C8orf34: variants seen among roughly 807,000 people sequenced by gnomAD.
C8orf34 encodes chromosome 8 open reading frame 34.
C8orf34 carries 65 observed loss-of-function variants against 68.3 expected under a neutral mutation model. The observed-to-expected ratio is 0.95, with a 90% CI of 0.78 to 1.17. C8orf34 has a LOEUF of 1.17. Ranked by LOEUF, C8orf34 falls within the 50% of genes most tolerant of loss-of-function variation. The pLI, the probability that C8orf34 is intolerant of heterozygous loss-of-function variation, is 0.00. For synonymous variants in C8orf34, 244 were observed against 241.2 expected (o/e 1.01, Z -0.11); for missense variants, 664 against 655.4 (o/e 1.01, Z -0.14).
intron 2 of C8orf34, among the ~76,000 whole-genome samples, chr8:68,443,846 AG>A (rs368866125): frequency 1.3e-3 from 198 of 152,302 alleles, no homozygotes; most frequent in African/African-American, 4.2e-3. Context: ...TCTCCTTAAA[AG>A]TCTATCATTT....
chr8:68,553,310 G>C (rs186530599), intron 7 of C8orf34, among the ~76,000 whole-genome samples: 1 of 150,870 alleles, frequency 6.6e-6, no homozygotes, highest in Non-Finnish European at 1.5e-5. Flanking sequence ...GTGTGAACCC[G>C]GGAGGCGGAG....
chr8:68,789,829 T>TAGTTTA (rs1247343257), intron 12 of C8orf34, among the ~76,000 whole-genome samples: 2 of 152,244 alleles, frequency 1.3e-5, no homozygotes, highest in African/African-American at 4.8e-5. Context: ...TATACTTTTA[T>TAGTTTA]TAAAATTTTA....
intron 7 of C8orf34, among the ~76,000 whole-genome samples, chr8:68,544,549 GA>G (rs1420272389): frequency 1.3e-5 from 2 of 152,076 alleles, no homozygotes; most frequent in Admixed American, 6.6e-5. Context: ...AGAATCAACA[GA>G]AAGTAAACAA....
chr8:68,612,685 AG>A (rs1459417403), intron 7 of C8orf34, among the ~76,000 whole-genome samples: 74 of 152,278 alleles, frequency 4.9e-4, no homozygotes, highest in Middle Eastern at 6.8e-3. Flanking sequence ...AATATGCTAT[AG>A]TTACTGATTT....
At chr8:68,472,702 T>G (rs1586211361) in intron 4 of C8orf34, among the ~76,000 whole-genome samples, 1 of 152,298 alleles carries the variant, frequency 6.6e-6, no homozygotes, top group African/African-American at 2.4e-5. Flanking sequence ...ACAGGCACAT[T>G]TAAAAAAGGC....
chr8:68,517,084 G>GT (rs532255703), intron 5 of C8orf34, among the ~76,000 whole-genome samples: 3 of 152,154 alleles, frequency 2.0e-5, no homozygotes, highest in Admixed American at 6.5e-5. Context: ...AATTTTAAAT[G>GT]TTTTTTTACC....
intron 1 of C8orf34, among the ~76,000 whole-genome samples, chr8:68,351,348 CTT>C (rs1806505414): frequency 6.6e-6 from 1 of 151,940 alleles, no homozygotes; most frequent in African/African-American, 2.4e-5. Context: ...ATAAGGTTCC[CTT>C]TGTATGTGAA....
At chr8:68,517,570 A>C (rs899218131) in intron 5 of C8orf34, among the ~76,000 whole-genome samples, 1 of 152,210 alleles carries the variant, frequency 6.6e-6, no homozygotes, top group Non-Finnish European at 1.5e-5. Context: ...AACATCCTGA[A>C]TATCACACTG....
chr8:68,456,846 G>T (rs1811575252), intron 3 of C8orf34, among the ~76,000 whole-genome samples: 1 of 152,198 alleles, frequency 6.6e-6, no homozygotes, highest in Non-Finnish European at 1.5e-5. Flanking sequence ...ATGTGTCATA[G>T]ATAAGATAAG....
At chr8:68,747,263 T>C (rs372333544) in intron 10 of C8orf34, among the ~76,000 whole-genome samples, 5 of 151,014 alleles carry the variant, frequency 3.3e-5, no homozygotes, top group African/African-American at 7.3e-5. Flanking sequence ...CTATGACAAA[T>C]CCACAGCCAA....
At chr8:68,480,049 A>G (rs376158802) in intron 4 of C8orf34, among the ~76,000 whole-genome samples, 55 of 152,310 alleles carry the variant, frequency 3.6e-4, no homozygotes, top group African/African-American at 1.1e-3. Flanking sequence ...AAATGTTTTC[A>G]ACTTTTGTTC....
chr8:68,585,457 A>C (rs1817181877), intron 7 of C8orf34, among the ~76,000 whole-genome samples: 1 of 152,166 alleles, frequency 6.6e-6, no homozygotes, highest in Non-Finnish European at 1.5e-5. Context: ...TTGGTAAAAT[A>C]TTGAGATAGT....
At chr8:68,352,101 T>C (rs868019107) in intron 1 of C8orf34, among the ~76,000 whole-genome samples, 4 of 152,050 alleles carry the variant, frequency 2.6e-5, no homozygotes, top group Admixed American at 1.3e-4. Flanking sequence ...CATTCCTTTC[T>C]CAGATACATT....
At chr8:68,401,814 A>G (rs1808968218) in intron 1 of C8orf34, among the ~76,000 whole-genome samples, 1 of 151,240 alleles carries the variant, frequency 6.6e-6, no homozygotes, top group Non-Finnish European at 1.5e-5. Context: ...TTTATTGAGG[A>G]CTTTTTGCGT....
chr8:68,558,049 T>C (rs1336233488), intron 7 of C8orf34, among the ~76,000 whole-genome samples: 1 of 152,180 alleles, frequency 6.6e-6, no homozygotes, highest in Middle Eastern at 3.2e-3. Flanking sequence ...ACCTAAAATA[T>C]GAAAAGATGC....
intron 1 of C8orf34, among the ~76,000 whole-genome samples, chr8:68,383,851 C>G (rs1312554224): frequency 6.6e-6 from 1 of 152,172 alleles, no homozygotes; most frequent in Non-Finnish European, 1.5e-5. Flanking sequence ...AAAAAATACT[C>G]CTTGAGCTAA....
At chr8:68,726,560 G>A (rs1453208017) in intron 10 of C8orf34, among the ~76,000 whole-genome samples, 1 of 152,106 alleles carries the variant, frequency 6.6e-6, no homozygotes. Context: ...AGGTAAATTT[G>A]GTTATTTTTA....
chr8:68,490,729 T>C (rs1409064221), intron 5 of C8orf34, among the ~76,000 whole-genome samples: 1 of 152,170 alleles, frequency 6.6e-6, no homozygotes, highest in Non-Finnish European at 1.5e-5. Flanking sequence ...GACCCCACTT[T>C]TGCATCTGAT....
At chr8:68,611,641 A>C (rs1395288592) in intron 7 of C8orf34, among the ~76,000 whole-genome samples, 1 of 152,170 alleles carries the variant, frequency 6.6e-6, no homozygotes, top group Middle Eastern at 3.2e-3. Context: ...AAGTTTTATA[A>C]GCTTTTATTT....
Sources: allele counts gnomAD v4.1 joint callset (sites outside exome capture counted in the v4.1 genomes callset), GRCh38; gene constraint gnomAD v4.1.1; transcripts MANE v1.5; gene names NCBI Gene and HGNC (gene_info 2026-07-23, HGNC 2026-07-21).